The following ZNF646 variants were observed in gnomAD, a reference collection of about 807,000 sequenced individuals.
ZNF646 encodes zinc finger protein 646.
ZNF646 carries 49 observed loss-of-function variants against 115.4 expected under a neutral mutation model. That is an observed-to-expected ratio of 0.42 (90% CI 0.34 to 0.54). The LOEUF is 0.54. Ranked by LOEUF, ZNF646 falls within the 20% of genes least tolerant of loss-of-function variation. ZNF646 has a pLI of 0.04. For missense variants in ZNF646, 2,269 were observed against 2,457.9 expected (o/e 0.92, Z 1.62); for synonymous variants, 933 against 939.0 (o/e 0.99, Z 0.12).
upstream of ZNF646, chr16:31,073,296 G>C (rs899074728): frequency 1.3e-5 from 2 of 152,418 alleles, no homozygotes; most frequent in Non-Finnish European, 2.9e-5. Flanking sequence ...AGTGGTGGCC[G>C]GGCCTCAGCA....
At position 31,077,965 on chromosome 16, in the gene ZNF646, C is replaced by T. The variant is rs768952429; in HGVS notation, c.1641C>T (p.Ala547=). The part of the protein sequence containing the change: ...LPPDPVEAEA[A]PHTDQDHVCK... ...CTGACCCAGTGGAGGCAGAGGCAGC[C>T]CCGCACACAGATCAGGACCATGTGT... The change falls in exon 2 of 3, where the codon GCC becomes GCT. Residue 547 remains alanine (A), a synonymous_variant. Transcript: ENST00000300850. 2.5e-6 allele frequency: 4 copies of T among 1,613,948 alleles called. No homozygotes were observed. In the South Asian group the frequency reaches 4.4e-5, roughly 18 times the overall value.
chr16:31,079,482 G>A lies in ZNF646; in HGVS notation c.3158G>A (p.Arg1053His), dbSNP rs140829625. The A allele has an allele frequency of 3.7e-6, 6 of 1,613,510 alleles. No individual in the cohort carries two copies. Among genetic ancestry groups the A allele is most frequent in the South Asian group, 3.3e-5 (3 of 91,090 alleles). The change falls in exon 2 of 3, where the codon CGC becomes CAC. Residue 1053 changes from arginine to histidine, a missense_variant. By Grantham distance (29) the Arg-to-His change is conservative. Transcript: ENST00000300850. The surrounding 1 kb of genome is among the most constrained non-coding windows in gnomAD (Gnocchi z 5.5). Reference protein sequence around the residue: ...SLLEAQPRPFRCNQCGKTYRH... With the variant: ...SLLEAQPRPFHCNQCGKTYRH... ...TTGGAGGCTCAGCCCCGCCCCTTCCGCTGCAACCAGTGTGGCAAGACCTAT... is the reference window on the plus strand; with the variant it reads ...TTGGAGGCTCAGCCCCGCCCCTTCCACTGCAACCAGTGTGGCAAGACCTAT...
At position 31,077,341 on chromosome 16, in the gene ZNF646, G is replaced by A. The variant is rs201821969; in HGVS notation, c.1017G>A (p.Glu339=). The change falls in exon 2 of 3, where the codon GAG becomes GAA. Residue 339 remains glutamate (E), a synonymous_variant. Coordinates refer to ENST00000300850, the MANE Select transcript of ZNF646 (RefSeq NM_014699.4). ...GMPTTNGHTD[E]SSQDQLPSAQ... ...CCACCACCAATGGGCACACAGATGA[G>A]AGCAGCCAGGACCAGCTCCCCAGTG... 6.2e-7 allele frequency: 1 copy of A among 1,613,156 alleles called. No individual in the cohort carries two copies. Among genetic ancestry groups the A allele is most frequent in the East Asian group, 2.2e-5 (1 of 44,838 alleles).
chr16:31,077,196 A>G lies in ZNF646; in HGVS notation c.872A>G (p.Tyr291Cys). 6.2e-7 allele frequency: 1 copy of G among 1,614,190 alleles called. No individual in the cohort carries two copies. The highest frequency in any genetic ancestry group is 1.3e-5 in the African/African-American group (1 of 75,052). ...AACCACTCTCGACTGCATGCCCAGT[A>G]TCGGCCTTACCACTGTCCCCACTGC... ...LKNHSRLHAQ[Y>C]RPYHCPHCPR... The change falls in exon 2 of 3, where the codon TAT becomes TGT. Residue 291 changes from tyrosine to cysteine, a missense_variant. Physicochemically the swap from Tyr to Cys is radical, Grantham distance 194. Transcript: ENST00000300850.
Position 31,078,127 on chromosome 16 carries a change from A to C in ZNF646, c.1803A>C (p.Glu601Asp). The C allele has an allele frequency of 6.2e-7, 1 of 1,614,124 alleles. No homozygotes were observed. The highest frequency in any genetic ancestry group is 8.5e-7 in the Non-Finnish European group (1 of 1,180,026). Residue 601 changes from glutamate (E) to aspartate (D), a missense_variant, in exon 2 of 3, where the codon GAA becomes GAC. Physicochemically the swap from Glu to Asp is conservative, Grantham distance 45 (BLOSUM62 2). Coordinates refer to ENST00000300850, the MANE Select transcript of ZNF646 (RefSeq NM_014699.4). ...ERHGLTHGAG[E>D]KENSRTETTM... ...ATGGCCTGACTCATGGGGCAGGGGA[A>C]AAGGAAAATAGCAGAACAGAGACCA...
chr16:31,076,338 C>G lies in ZNF646; in HGVS notation c.14C>G (p.Pro5Arg). 6.2e-7 allele frequency: 1 copy of G among 1,610,362 alleles called. No homozygotes were observed. The highest frequency in any genetic ancestry group is 1.1e-5 in the South Asian group (1 of 90,878). Residue 5 changes from proline to arginine, a missense_variant, in exon 2 of 3, where the codon CCC becomes CGC. By Grantham distance (103) the Pro-to-Arg change is moderately radical. Coordinates refer to ENST00000300850, the MANE Select transcript of ZNF646 (RefSeq NM_014699.4). The stretch of plus-strand genomic sequence containing the variant: ...CTACGTTGCCCCATGGAGGACACAC[C>G]CCCCTCACTCAGCTGCTCCGACTGT... MEDT[P>R]PSLSCSDCQR...
Position 31,081,585 on chromosome 16 carries a change from A to G in ZNF646, c.5261A>G (p.His1754Arg). ...AARLEGHGRV[H>R]APREGPFTCP... ...CGGCTGGAGGGCCACGGGCGGGTCC[A>G]TGCACCCCGGGAGGGGCCTTTCACC... The change falls in exon 2 of 3, where the codon CAT (histidine) becomes CGT (arginine). Residue 1754 changes from histidine (H) to arginine (R), a missense_variant. Transcript: ENST00000300850. The G allele has an allele frequency of 4.3e-6, 7 of 1,612,900 alleles. No individual in the cohort carries two copies. The highest frequency in any genetic ancestry group is 5.9e-6 in the Non-Finnish European group (7 of 1,179,820).
At chr16:31,082,062 G>A (rs1314758995) in intron 2 of ZNF646, 3 of 407,976 alleles carry the variant, frequency 7.4e-6, no homozygotes, top group African/African-American at 6.2e-5. Flanking sequence ...GAGTCAGCCA[G>A]TAAAGTAATG....
In ZNF646 at chr16:31,077,104, C is replaced by T. The variant is rs778135176; in HGVS notation, c.780C>T (p.Ser260=). The change falls in exon 2 of 3, where the codon AGC becomes AGT. Residue 260 remains serine, a synonymous_variant. Transcript: ENST00000300850. Reference sequence around the variant, plus strand: ...GGAGCCTCACCAACCACCGCCAGAGCCACACGCTGGGCATCTACCCCTGTG... The same window carrying T: ...GGAGCCTCACCAACCACCGCCAGAGTCACACGCTGGGCATCTACCCCTGTG... The part of the protein sequence containing the change: ...HAGSLTNHRQ[S]HTLGIYPCAI... 4 of 1,614,208 alleles carry T rather than the reference C, an allele frequency of 2.5e-6. No homozygotes were observed. Among genetic ancestry groups the T allele is most frequent in the Non-Finnish European group, 3.4e-6 (4 of 1,180,042 alleles).
At chr16:31,076,107 T>C (rs916907583) in intron 1 of ZNF646, 139 bp from the exon 2 acceptor site, 1 of 530,624 alleles carries the variant, frequency 1.9e-6, no homozygotes, top group Non-Finnish European at 3.2e-6. Flanking sequence ...TGCCTGCAGA[T>C]TGGATCTAGT....
At position 31,081,301 on chromosome 16, in the gene ZNF646, CA is replaced by C; in HGVS notation, c.4978del (p.Arg1660GlyfsTer6). The C allele has an allele frequency of 6.2e-7, 1 of 1,613,768 alleles. No individual in the cohort carries two copies. The highest frequency in any genetic ancestry group is 8.5e-7 in the Non-Finnish European group (1 of 1,179,802). ...GCCCAGGAGAGAGTGTGGAGAGAGC[CA>C]GGGGAGGACAAGCGGTGACGTCCAT... ...RGPGESVERA[R>X]GGQAVTSMAA... On this transcript the variant is annotated frameshift_variant, in exon 2 of 3. Transcript: ENST00000300850. LOFTEE classifies it high-confidence loss of function.
intron 1 of ZNF646, chr16:31,075,953 TGAA>T (rs2057070704): frequency 5.1e-6 from 1 of 195,376 alleles, no homozygotes; most frequent in Non-Finnish European, 1.0e-5. Context: ...GAGTCTGGTC[TGAA>T]GAACATAACA....
chr16:31,081,162 A>G lies in ZNF646; in HGVS notation c.4838A>G (p.Gln1613Arg), dbSNP rs964105066. Residue 1613 changes from glutamine to arginine, a missense_variant, in exon 2 of 3, where the codon CAG becomes CGG. Coordinates refer to ENST00000300850, the MANE Select transcript of ZNF646 (RefSeq NM_014699.4). ...CAGGCTCATGCCCGGGGCCACAGCC[A>G]GGTGCCAGCCCAGATGGAGGAGGCC... ...HLQAHARGHS[Q>R]VPAQMEEARD... is the part of the protein sequence containing the mutation. The G allele has an allele frequency of 3.1e-6, 5 of 1,598,904 alleles. No individual in the cohort carries two copies. Among genetic ancestry groups the G allele is most frequent in the Non-Finnish European group, 4.3e-6 (5 of 1,170,942 alleles).
rs752004396 is a variant in ZNF646, at chr16:31,079,022, C to G, written c.2698C>G (p.Arg900Gly). ...FPGRAGYRLHRRQAHSSSGMT... is the reference protein window; with the variant it reads ...FPGRAGYRLHGRQAHSSSGMT... ...TGGGCGGGCTGGCTACAGGCTTCAC[C>G]GGCGCCAGGCCCACAGCTCCTCTGG... Residue 900 changes from arginine to glycine, a missense_variant, in exon 2 of 3, where the codon CGG (arginine) becomes GGG (glycine). By Grantham distance (125) the Arg-to-Gly change is moderately radical. Transcript: ENST00000300850. This position sits in a 1 kb window ranked among gnomAD's most constrained non-coding sequence, Gnocchi z 5.5. The G allele has an allele frequency of 6.3e-7, 1 of 1,587,252 alleles. No homozygotes were observed. Among genetic ancestry groups the G allele is most frequent in the South Asian group, 1.1e-5 (1 of 88,172 alleles).
rs2057090717 is a variant in ZNF646, at chr16:31,077,316, C to G, written c.992C>G (p.Pro331Arg). 6.2e-7 allele frequency: 1 copy of G among 1,613,624 alleles called. No homozygotes were observed. Among genetic ancestry groups the G allele is most frequent in the Non-Finnish European group, 8.5e-7 (1 of 1,179,830 alleles). Residue 331 changes from proline (P) to arginine (R), a missense_variant, in exon 2 of 3, where the codon CCC (proline) becomes CGC (arginine). By Grantham distance (103) the Pro-to-Arg change is moderately radical. This residue lies in a region of ZNF646 where 852 missense variants were observed against 900.2 expected (regional missense o/e 0.95). Coordinates refer to ENST00000300850, the MANE Select transcript of ZNF646 (RefSeq NM_014699.4). The part of the protein sequence containing the change: ...QEPRWEEKGM[P>R]TTNGHTDESS... ...CCACGCTGGGAGGAGAAAGGGATGC[C>G]CACCACCAATGGGCACACAGATGAG...
At chr16:31,073,879 A>T (rs1027409880), upstream of ZNF646, 1 of 152,156 alleles carries the variant, frequency 6.6e-6, no homozygotes, top group Admixed American at 6.5e-5. Flanking sequence ...ATCTTGCAAG[A>T]GGTCTCTGTG....
Position 31,079,301 on chromosome 16 carries a change from T to A in ZNF646, c.2977T>A (p.Leu993Met). ...TACTGCAGACAAGGCTCCCAGCCCC[T>A]TGGGAGTGGCAGGTGATGCCATGGA... ...GTTADKAPSP[L>M]GVAGDAMEMV... Residue 993 changes from leucine to methionine, a missense_variant, in exon 2 of 3, where the codon TTG (leucine) becomes ATG (methionine). Physicochemically the swap from Leu to Met is conservative, Grantham distance 15. Coordinates refer to ENST00000300850, the MANE Select transcript of ZNF646 (RefSeq NM_014699.4). The surrounding 1 kb of genome is among the most constrained non-coding windows in gnomAD (Gnocchi z 5.5). 1 of 1,613,314 alleles carries A rather than the reference T, an allele frequency of 6.2e-7. No individual in the cohort carries two copies. The highest frequency in any genetic ancestry group is 1.1e-5 in the South Asian group (1 of 91,066).
In ZNF646 at chr16:31,079,357, A is replaced by G; in HGVS notation, c.3033A>G (p.Ile1011Met). Residue 1011 changes from isoleucine to methionine, a missense_variant, in exon 2 of 3, where the codon ATA becomes ATG. By Grantham distance (10) the Ile-to-Met change is conservative. This residue lies in a region of ZNF646 where 1,062 missense variants were observed against 1,172.8 expected (regional missense o/e 0.91). Coordinates refer to ENST00000300850, the MANE Select transcript of ZNF646 (RefSeq NM_014699.4). The surrounding 1 kb of genome is among the most constrained non-coding windows in gnomAD (Gnocchi z 5.5). ...TCGTGGACAGTGTCTTGGAGGACAT[A>G]GTGAATTCTGTCTCTGGAGAGGGTG... ...EMVVDSVLED[I>M]VNSVSGEGGD... 6.2e-7 allele frequency: 1 copy of G among 1,614,052 alleles called. No homozygotes were observed. The highest frequency in any genetic ancestry group is 1.7e-5 in the Admixed American group (1 of 60,018).
chr16:31,076,136 C>A, intron 1 of ZNF646, 110 bp from the exon 2 acceptor site: 1 of 665,958 alleles, frequency 1.5e-6, no homozygotes, highest in Non-Finnish European at 2.4e-6. Context: ...GGTCCTTGGG[C>A]ATGGATGCTT....
Sources: allele counts gnomAD v4.1 joint callset, GRCh38; gene constraint gnomAD v4.1.1; regional missense constraint gnomAD v4.1.1; non-coding constraint Gnocchi (gnomAD v3.1); transcripts MANE v1.5; gene names NCBI Gene and HGNC (gene_info 2026-07-23, HGNC 2026-07-21).